The following NTNG1 variants were observed in gnomAD, a reference collection of about 807,000 sequenced individuals.
NTNG1 encodes the protein netrin-G1.
Under a neutral mutation model 54.0 loss-of-function variants are expected in NTNG1, and 16 were observed. The ratio of observed to expected loss-of-function variants is 0.30; its 90% CI spans 0.20 to 0.45. The LOEUF is 0.45. Ranked by LOEUF, NTNG1 falls within the 20% of genes least tolerant of loss-of-function variation. NTNG1 has a pLI of 1.00. For synonymous variants in NTNG1, 255 were observed against 263.1 expected (o/e 0.97, Z 0.30); for missense variants, 530 against 678.7 (o/e 0.78, Z 2.43).
chr1:107,356,783 AC>A (rs1160471081), intron 3 of NTNG1, among the ~76,000 whole-genome samples: 1 of 152,142 alleles, frequency 6.6e-6, no homozygotes, highest in Non-Finnish European at 1.5e-5. Context: ...CTGGTAGATC[AC>A]TTGAGTTCAG....
intron 3 of NTNG1, among the ~76,000 whole-genome samples, chr1:107,381,992 T>A (rs1475012718): frequency 1.3e-5 from 2 of 152,172 alleles, no homozygotes; most frequent in African/African-American, 4.8e-5. Context: ...TTTTCATAGT[T>A]GGTTTCAAAA....
chr1:107,251,726 G>A (rs1418820188), intron 2 of NTNG1, among the ~76,000 whole-genome samples: 1 of 152,156 alleles, frequency 6.6e-6, no homozygotes, highest in East Asian at 1.9e-4. Context: ...AAGCTAGACA[G>A]TAAGGGCCCT....
At chr1:107,380,593 T>C (rs1158424714) in intron 3 of NTNG1, among the ~76,000 whole-genome samples, 1 of 152,232 alleles carries the variant, frequency 6.6e-6, no homozygotes, top group Non-Finnish European at 1.5e-5. Context: ...AGTAGTTCAA[T>C]AGTGCTAGCT....
Position 107,430,901 on chromosome 1 carries a change from T to C in NTNG1, c.1239T>C (p.Asp413=). The C allele has an allele frequency of 6.2e-7, 1 of 1,612,680 alleles. No homozygotes were observed. Among genetic ancestry groups the C allele is most frequent in the Non-Finnish European group, 8.5e-7 (1 of 1,179,054 alleles). The change falls in exon 6 of 8, where the codon GAT becomes GAC. Residue 413 remains aspartate (D), a synonymous_variant. Transcript: ENST00000370068. ...GAAATGCTTCTGCACAACTGGACGA[T>C]GAGAATGTGTGCATAGGTCAGTTCC... The part of the protein sequence containing the change: ...YFRNASAQLD[D]ENVCIECYCN...
At chr1:107,420,353 T>C (rs984548329) in intron 5 of NTNG1, among the ~76,000 whole-genome samples, 3 of 152,082 alleles carry the variant, frequency 2.0e-5, no homozygotes, top group African/African-American at 4.8e-5. Flanking sequence ...AGGTGCACTT[T>C]GTAGCAGAGG....
chr1:107,389,661 G>A lies in NTNG1; in HGVS notation c.888-5493G>A, dbSNP rs1303256213. ...TCTGCCTTAGCGACACCCTTATTTG[G>A]CAATGTCTGCCATTTATCACTTGCA... On this transcript the variant is annotated intron_variant, in intron 3 of 7. Transcript: ENST00000370068. Among the ~76,000 whole-genome samples the A allele has an allele frequency of 2.0e-5, 3 of 152,240 alleles. No individual in the cohort carries two copies. The East Asian group carries it at 5.8e-4, about 29-fold the overall frequency.
chr1:107,220,636 G>C (rs1660278547), intron 2 of NTNG1, among the ~76,000 whole-genome samples: 1 of 152,186 alleles, frequency 6.6e-6, no homozygotes, highest in African/African-American at 2.4e-5. Context: ...ACCTCTGTCA[G>C]CCTCAGTTTC....
chr1:107,484,128 G>A lies in NTNG1; in HGVS notation c.*3288G>A, dbSNP rs965954609. On this transcript the variant is annotated 3_prime_UTR_variant, in exon 8 of 8. Coordinates refer to ENST00000370068, the MANE Select transcript of NTNG1 (RefSeq NM_001113226.3). ...AGCAACATCCTGAGTGCATATACCTGGGCACAGGGAGTGGCAAAGGGTGCA... is the reference window on the plus strand; with the variant it reads ...AGCAACATCCTGAGTGCATATACCTAGGCACAGGGAGTGGCAAAGGGTGCA... Among the ~76,000 whole-genome samples, 13 of 152,200 alleles carry A rather than the reference G, an allele frequency of 8.5e-5. No individual in the cohort carries two copies. Among genetic ancestry groups the A allele is most frequent in the Admixed American group, 3.3e-4 (5 of 15,288 alleles).
intron 2 of NTNG1, among the ~76,000 whole-genome samples, chr1:107,179,962 T>C (rs145483187): frequency 2.0e-5 from 3 of 152,106 alleles, no homozygotes; most frequent in Non-Finnish European, 4.4e-5. Context: ...TTGCAAAAGC[T>C]CCACTTTAAA....
At chr1:107,426,784 T>C (rs1674934652) in intron 5 of NTNG1, among the ~76,000 whole-genome samples, 1 of 152,138 alleles carries the variant, frequency 6.6e-6, no homozygotes, top group African/African-American at 2.4e-5. Context: ...TGGGTGATTT[T>C]AACAATATTA....
At chr1:107,438,894 A>G (rs1169728546) in intron 7 of NTNG1, among the ~76,000 whole-genome samples, 1 of 152,224 alleles carries the variant, frequency 6.6e-6, no homozygotes, top group East Asian at 1.9e-4. Context: ...TCTGTGCCTC[A>G]GTTCCAGAAC....
intron 5 of NTNG1, among the ~76,000 whole-genome samples, chr1:107,415,819 G>A (rs1165990850): frequency 6.6e-6 from 1 of 152,044 alleles, no homozygotes; most frequent in Non-Finnish European, 1.5e-5. Context: ...ATTGGAATTG[G>A]ATGTGATAAG....
chr1:107,301,436 T>G (rs1666303675), intron 2 of NTNG1, among the ~76,000 whole-genome samples: 1 of 152,132 alleles, frequency 6.6e-6, no homozygotes, highest in East Asian at 1.9e-4. Context: ...TAAAACATGA[T>G]CTCCTCCTCC....
chr1:107,266,565 A>C (rs1359517809), intron 2 of NTNG1, among the ~76,000 whole-genome samples: 1 of 151,860 alleles, frequency 6.6e-6, no homozygotes, highest in African/African-American at 2.4e-5. Flanking sequence ...TGGGGATTAC[A>C]ATTTGACATG....
intron 2 of NTNG1, among the ~76,000 whole-genome samples, chr1:107,181,019 T>C (rs1657018031): frequency 6.6e-6 from 1 of 152,208 alleles, no homozygotes; most frequent in South Asian, 2.1e-4. Context: ...GGCCAAGGAC[T>C]GTGCTGCAGA....
At chr1:107,183,057 G>A (rs560012803) in intron 2 of NTNG1, among the ~76,000 whole-genome samples, 8 of 152,256 alleles carry the variant, frequency 5.3e-5, no homozygotes, top group African/African-American at 1.9e-4. Context: ...CATCAACACA[G>A]GTAACAGAAG....
intron 7 of NTNG1, among the ~76,000 whole-genome samples, chr1:107,439,720 A>T (rs1035669558): frequency 2.0e-5 from 3 of 152,056 alleles, no homozygotes; most frequent in African/African-American, 7.2e-5. Flanking sequence ...CTTCACCAAG[A>T]TCCTGAAGTG....
At chr1:107,431,136 A>G (rs535838163) in intron 6 of NTNG1, among the ~76,000 whole-genome samples, 1 of 152,292 alleles carries the variant, frequency 6.6e-6, no homozygotes, top group African/African-American at 2.4e-5. Flanking sequence ...TGCTTTAAAT[A>G]TGATGATCTC....
intron 2 of NTNG1, among the ~76,000 whole-genome samples, chr1:107,268,591 T>G (rs1478745745): frequency 1.3e-5 from 2 of 152,004 alleles, no homozygotes; most frequent in Non-Finnish European, 2.9e-5. Context: ...AACAAACCAG[T>G]CTCATGGCTT....
Sources: gnomAD v4.1 joint callset for allele counts (sites outside exome capture counted in the v4.1 genomes callset) on GRCh38, gnomAD v4.1.1 for gene constraint, MANE v1.5 for transcripts, NCBI Gene and HGNC (gene_info 2026-07-23, HGNC 2026-07-21) for gene names.